Variants in ARHGEF3 observed in about 807,000 individuals in gnomAD.
ARHGEF3 encodes the protein Rho guanine nucleotide exchange factor 3, also known as 59.8 kDA protein.
A neutral mutation model predicts 63.2 loss-of-function variants in ARHGEF3; 28 were observed. The observed-to-expected ratio is 0.44, with a 90% CI of 0.33 to 0.61. The LOEUF (loss-of-function observed/expected upper bound fraction) is 0.61, where lower values mean the gene tolerates loss of function less well. Among genes scored for constraint, ARHGEF3 ranks in the 20% least tolerant of loss-of-function variants. ARHGEF3 has a pLI of 0.03. For missense variants in ARHGEF3, 533 were observed against 659.3 expected (o/e 0.81, Z 2.10); for synonymous variants, 266 against 254.2 (o/e 1.05, Z -0.44).
intron 4 of ARHGEF3, among the ~76,000 whole-genome samples, chr3:56,868,824 T>C (rs542360578): frequency 1.8e-4 from 27 of 152,312 alleles, no homozygotes; most frequent in African/African-American, 6.3e-4. Flanking sequence ...GGTTAACTTG[T>C]TTCAGAAGCA....
chr3:57,071,856 T>A (rs141629976), intron 1 of ARHGEF3, among the ~76,000 whole-genome samples: 5,997 of 151,966 alleles, frequency 0.039, 171 homozygotes, highest in Non-Finnish European at 0.058. Flanking sequence ...GGGCAAAAAA[T>A]ACTTTAAAAT....
intron 4 of ARHGEF3, among the ~76,000 whole-genome samples, chr3:56,830,076 G>A (rs1485602117): frequency 6.6e-6 from 1 of 152,190 alleles, no homozygotes; most frequent in Non-Finnish European, 1.5e-5. Flanking sequence ...TTTGCTCAGG[G>A]TCATAGAATT....
chr3:56,967,542 ATAT>A (rs1352974132), intron 2 of ARHGEF3, among the ~76,000 whole-genome samples: 6 of 87,908 alleles, frequency 6.8e-5, no homozygotes, highest in Non-Finnish European at 9.9e-5. Context: ...AATATATTAC[ATAT>A]TATGTACATT....
rs1578654262 is a variant in ARHGEF3 at position 56,842,657 on chromosome 3, G to A, written c.192+39635C>T. Among the ~76,000 whole-genome samples, 4 of 152,236 alleles carry A rather than the reference G, an allele frequency of 2.6e-5. No homozygotes were observed. The South Asian group carries it at 8.3e-4, about 32-fold the overall frequency. ...AGCCCTGGAAGATTACCTAAGCTAA[G>A]ACAAAATGGTGAAGAGCAGAGATGT... On this transcript the variant is annotated intron_variant, in intron 4 of 12. Coordinates refer to the ARHGEF3 transcript ENST00000338458.
intron 2 of ARHGEF3, among the ~76,000 whole-genome samples, chr3:56,990,923 C>T (rs985885379): frequency 4.6e-5 from 7 of 152,114 alleles, no homozygotes; most frequent in South Asian, 2.1e-4. Flanking sequence ...TGAGATGAGC[C>T]GTGTACACTC....
chr3:57,074,063 T>C, intron 1 of ARHGEF3: 2 of 1,614,132 alleles, frequency 1.2e-6, no homozygotes, highest in Non-Finnish European at 8.5e-7. Context: ...AAGTTATTCA[T>C]AACTCTACAC....
At chr3:56,780,740 G>A (rs536737888) in intron 1 of ARHGEF3, among the ~76,000 whole-genome samples, 5 of 152,206 alleles carry the variant, frequency 3.3e-5, no homozygotes, top group East Asian at 3.9e-4. Context: ...TTAATCTTAC[G>A]TTCTCTCACG....
intron 4 of ARHGEF3, among the ~76,000 whole-genome samples, chr3:56,816,232 A>G (rs1450152184): frequency 2.0e-5 from 3 of 152,080 alleles, no homozygotes; most frequent in Non-Finnish European, 4.4e-5. Context: ...CAAAACAAAA[A>G]TACACATCTA....
intron 3 of ARHGEF3, among the ~76,000 whole-genome samples, chr3:56,948,642 T>G (rs1484589345): frequency 6.6e-6 from 1 of 151,974 alleles, no homozygotes; most frequent in African/African-American, 2.4e-5. Flanking sequence ...AATTAATAGC[T>G]TACCAACCAA....
intron 1 of ARHGEF3, among the ~76,000 whole-genome samples, chr3:57,042,647 CATAA>C (rs1704234803): frequency 2.4e-5 from 2 of 82,744 alleles, no homozygotes; most frequent in African/African-American, 8.7e-5. Flanking sequence ...ACTGTATGTA[CATAA>C]ATATATATAT....
chr3:57,000,256 A>G (rs1702135955), intron 2 of ARHGEF3, among the ~76,000 whole-genome samples: 1 of 151,724 alleles, frequency 6.6e-6, no homozygotes, highest in African/African-American at 2.4e-5. Context: ...ACACTCTTAC[A>G]ATAACCAGTG....
chr3:56,938,338 A>C (rs1399673247), intron 3 of ARHGEF3, among the ~76,000 whole-genome samples: 1 of 152,222 alleles, frequency 6.6e-6, no homozygotes, highest in East Asian at 1.9e-4. Flanking sequence ...CATGCAATCA[A>C]GATTAATGAT....
intron 2 of ARHGEF3, among the ~76,000 whole-genome samples, chr3:57,015,423 G>C (rs534774110): frequency 1.3e-5 from 2 of 152,046 alleles, no homozygotes; most frequent in African/African-American, 4.8e-5. Flanking sequence ...TTACAATTTT[G>C]TAAAATTCGG....
chr3:56,982,642 G>T (rs899316436), intron 2 of ARHGEF3, among the ~76,000 whole-genome samples: 2 of 152,094 alleles, frequency 1.3e-5, no homozygotes, highest in Non-Finnish European at 2.9e-5. Context: ...TAACCCTAAG[G>T]CCCAGATCAG....
intron 1 of ARHGEF3, among the ~76,000 whole-genome samples, chr3:56,786,042 G>A (rs910226234): frequency 6.6e-6 from 1 of 152,126 alleles, no homozygotes; most frequent in African/African-American, 2.4e-5. Flanking sequence ...GTCCCTTCTA[G>A]CACAAATTAT....
intron 1 of ARHGEF3, among the ~76,000 whole-genome samples, chr3:57,036,327 C>T (rs536561405): frequency 3.3e-5 from 5 of 152,098 alleles, no homozygotes; most frequent in Admixed American, 6.5e-5. Flanking sequence ...AAATACCATT[C>T]GGGTGCATGA....
intron 1 of ARHGEF3, among the ~76,000 whole-genome samples, chr3:57,065,897 G>T (rs1705500533): frequency 6.6e-6 from 1 of 152,106 alleles, no homozygotes; most frequent in Non-Finnish European, 1.5e-5. Flanking sequence ...TTAGGCCCAT[G>T]AACTCTCAGG....
intron 4 of ARHGEF3, among the ~76,000 whole-genome samples, chr3:56,826,746 A>G (rs2038726992): frequency 1.3e-5 from 2 of 152,158 alleles, no homozygotes; most frequent in Admixed American, 1.3e-4. Context: ...AACCCCTACC[A>G]AAGTATCAGA....
At chr3:57,044,024 C>A (rs373958811) in intron 1 of ARHGEF3, among the ~76,000 whole-genome samples, 26 of 152,324 alleles carry the variant, frequency 1.7e-4, no homozygotes, top group Middle Eastern at 3.4e-3. Flanking sequence ...CTCACATCAC[C>A]CCCTTGGATT....
Sources: gnomAD v4.1 joint callset for allele counts (sites outside exome capture counted in the v4.1 genomes callset) on GRCh38, gnomAD v4.1.1 for gene constraint, MANE v1.5 for transcripts, NCBI Gene and HGNC (gene_info 2026-07-23, HGNC 2026-07-21) for gene names.